Variants in LRP1B observed in about 807,000 individuals in gnomAD.
LRP1B encodes the protein low-density lipoprotein receptor-related protein 1B.
LRP1B carries 217 observed loss-of-function variants against 556.6 expected under a neutral mutation model. The observed-to-expected ratio is 0.39, with a 90% CI of 0.35 to 0.44. The LOEUF is 0.44. Among genes scored for constraint, LRP1B ranks in the 20% least tolerant of loss-of-function variants. The pLI is 1.00. For missense variants in LRP1B, 5,053 were observed against 5,620.8 expected (o/e 0.90, Z 3.23); for synonymous variants, 2,047 against 1,865.8 (o/e 1.10, Z -2.50).
At chr2:142,108,437 A>C (rs1384300015) in intron 1 of LRP1B, among the ~76,000 whole-genome samples, 1 of 152,218 alleles carries the variant, frequency 6.6e-6, no homozygotes, top group South Asian at 2.1e-4. Context: ...TCAATAAAAA[A>C]ACCACTAAGG....
chr2:141,762,606 G>A (rs1287600195), intron 2 of LRP1B, among the ~76,000 whole-genome samples: 4 of 152,110 alleles, frequency 2.6e-5, no homozygotes, highest in Admixed American at 1.3e-4. Flanking sequence ...CAGGAAGGAT[G>A]TTGTAAGGGA....
At position 140,971,703 on chromosome 2, in the gene LRP1B, G is replaced by A. The variant is rs550850499; in HGVS notation, c.2887+10457C>T. On this transcript the variant is annotated intron_variant, in intron 18 of 90. Transcript: ENST00000389484. ...CAAAAAATTAGCCGGGCATGGTGGC[G>A]GGCGCCTGTAGTCCCAGCTACTCAG... Among the ~76,000 whole-genome samples the A allele has an allele frequency of 2.6e-5, 4 of 152,158 alleles. No homozygotes were observed. In the East Asian group the frequency reaches 5.8e-4, roughly 22 times the overall value.
At chr2:141,795,463 C>T (rs2105672039) in intron 2 of LRP1B, among the ~76,000 whole-genome samples, 1 of 152,126 alleles carries the variant, frequency 6.6e-6, no homozygotes, top group South Asian at 2.1e-4. Flanking sequence ...TGTAGGGATA[C>T]ACATCTACAT....
intron 75 of LRP1B, 41 bp from the exon 76 acceptor site, chr2:140,353,113 A>G (rs1558823188): frequency 2.5e-6 from 4 of 1,605,162 alleles, no homozygotes; most frequent in Non-Finnish European, 2.5e-6. Flanking sequence ...CATACCCTCA[A>G]TTCAGACTCC....
chr2:141,560,376 G>A (rs866319065), intron 2 of LRP1B, among the ~76,000 whole-genome samples: 2 of 151,608 alleles, frequency 1.3e-5, no homozygotes, highest in African/African-American at 2.4e-5. Flanking sequence ...TAGCTAAACC[G>A]CTGGATTGCT....
At chr2:141,379,793 T>C (rs1012212659) in intron 3 of LRP1B, among the ~76,000 whole-genome samples, 1 of 152,022 alleles carries the variant, frequency 6.6e-6, no homozygotes, top group Admixed American at 6.6e-5. Flanking sequence ...GGCACATGAG[T>C]ACCTGCCACA....
intron 7 of LRP1B, among the ~76,000 whole-genome samples, chr2:141,157,539 T>A (rs949486198): frequency 6.6e-6 from 1 of 151,998 alleles, no homozygotes; most frequent in African/African-American, 2.4e-5. Flanking sequence ...TTATATTGTT[T>A]CGTACAATAT....
At chr2:140,547,937 G>C (rs747156225) in intron 43 of LRP1B, among the ~76,000 whole-genome samples, 1 of 150,782 alleles carries the variant, frequency 6.6e-6, no homozygotes, top group Non-Finnish European at 1.5e-5. Flanking sequence ...GGACTCACTG[G>C]GTTACTTTTC....
intron 41 of LRP1B, among the ~76,000 whole-genome samples, chr2:140,699,184 T>TA (rs940736036): frequency 1.2e-4 from 18 of 152,168 alleles, no homozygotes; most frequent in African/African-American, 3.6e-4. Context: ...AAATTTTTAT[T>TA]AAAAAACGAT....
chr2:140,617,632 C>T (rs534592362), intron 41 of LRP1B, among the ~76,000 whole-genome samples: 48 of 152,002 alleles, frequency 3.2e-4, no homozygotes, highest in Admixed American at 1.6e-3. Flanking sequence ...GATATATCAG[C>T]AGTACTCTGC....
chr2:141,786,737 C>A (rs149403722), intron 2 of LRP1B, among the ~76,000 whole-genome samples: 1 of 151,808 alleles, frequency 6.6e-6, no homozygotes, highest in African/African-American at 2.4e-5. Context: ...AAAAAAAGCA[C>A]GGAACCTCTC....
intron 84 of LRP1B, among the ~76,000 whole-genome samples, chr2:140,295,606 G>T (rs1683567240): frequency 6.6e-6 from 1 of 152,138 alleles, no homozygotes; most frequent in African/African-American, 2.4e-5. Flanking sequence ...AAATTGGCTG[G>T]TTTGAATCTT....
intron 2 of LRP1B, among the ~76,000 whole-genome samples, chr2:141,508,349 G>A (rs571786772): frequency 6.6e-6 from 1 of 152,184 alleles, no homozygotes; most frequent in African/African-American, 2.4e-5. Context: ...CTGAGATTAG[G>A]CTATCACTTT....
rs145596957 is a variant in LRP1B at position 140,805,318 on chromosome 2, A to G, written c.5359+8339T>C. Among the ~76,000 whole-genome samples, 739 of 152,284 alleles carry G rather than the reference A, an allele frequency of 4.9e-3. 10 individuals are homozygous for G. Among genetic ancestry groups the G allele is most frequent in the African/African-American group, 0.017 (699 of 41,554 alleles). ...AGCAGAGAGCTTAAATATCTATGGA[A>G]ATTGTGTAATTAAAGGCTGGTGGTT... On this transcript the variant is annotated intron_variant, in intron 32 of 90. Coordinates refer to ENST00000389484, the MANE Select transcript of LRP1B (RefSeq NM_018557.3).
intron 2 of LRP1B, among the ~76,000 whole-genome samples, chr2:141,746,535 G>A (rs1693920504): frequency 6.6e-6 from 1 of 152,116 alleles, no homozygotes; most frequent in South Asian, 2.1e-4. Flanking sequence ...GGAGAGGGGT[G>A]GCATCCTCAG....
rs2105116488 is a variant in LRP1B at position 140,350,971 on chromosome 2, G to T, written c.11718C>A (p.Asn3906Lys). 6.2e-7 allele frequency: 1 copy of T among 1,607,602 alleles called. No homozygotes were observed. Among genetic ancestry groups the T allele is most frequent in the Non-Finnish European group, 8.5e-7 (1 of 1,174,876 alleles). Residue 3906 changes from asparagine (N) to lysine (K), a missense_variant, in exon 77 of 91, where the codon AAC (asparagine) becomes AAA (lysine). By Grantham distance (94) the Asn-to-Lys change is moderately conservative. Around this residue, in one of 5 missense-constraint regions of LRP1B, gnomAD observed 599 missense variants for 648.4 expected, o/e 0.92. Coordinates refer to ENST00000389484, the MANE Select transcript of LRP1B (RefSeq NM_018557.3). ...AAATTTGTTGATGATCGCCACTGTAGTTGAATGGATATATAAAACCCAGGA... is the reference window on the plus strand; with the variant it reads ...AAATTTGTTGATGATCGCCACTGTATTTGAATGGATATATAAAACCCAGGA... ...TDILGFIYPF[N>K]YSGDHQQISH... is the part of the protein sequence containing the mutation.
intron 1 of LRP1B, among the ~76,000 whole-genome samples, chr2:141,940,496 A>C (rs952484081): frequency 6.6e-6 from 1 of 152,178 alleles, no homozygotes; most frequent in Non-Finnish European, 1.5e-5. Flanking sequence ...GGTTGCTGTG[A>C]CTTCTTAATG....
intron 35 of LRP1B, among the ~76,000 whole-genome samples, chr2:140,743,993 T>TAAAAAA (rs1297190080): frequency 0.011 from 82 of 7,172 alleles, 24 homozygotes; most frequent in Admixed American, 0.015. Context: ...AAAAAAAAAG[T>TAAAAAA]AAAAAGTAAA....
chr2:140,937,794 T>C (rs1279438237), intron 20 of LRP1B, among the ~76,000 whole-genome samples: 1 of 152,036 alleles, frequency 6.6e-6, no homozygotes, highest in Non-Finnish European at 1.5e-5. Context: ...GAAGTCAAAA[T>C]ATATTGGTTT....
Sources: allele counts gnomAD v4.1 joint callset (sites outside exome capture counted in the v4.1 genomes callset), GRCh38; gene constraint gnomAD v4.1.1; regional missense constraint gnomAD v4.1.1; transcripts MANE v1.5; gene names NCBI Gene and HGNC (gene_info 2026-07-23, HGNC 2026-07-21).